Variants in SMARCA2 observed in about 807,000 individuals in gnomAD.
SMARCA2 encodes SWI/SNF related BAF chromatin remodeling complex subunit ATPase 2.
SMARCA2 carries 61 observed loss-of-function variants against 199.8 expected under a neutral mutation model. The observed-to-expected ratio is 0.31, with a 90% confidence interval of 0.25 to 0.38. The LOEUF (loss-of-function observed/expected upper bound fraction) is 0.38, where lower values mean the gene tolerates loss of function less well. Among genes scored for constraint, SMARCA2 ranks in the 10% least tolerant of loss-of-function variants. SMARCA2 has a pLI of 1.00. For synonymous variants in SMARCA2, 935 were observed against 732.0 expected (o/e 1.28, Z -4.48); for missense variants, 1,344 against 2,012.2 (o/e 0.67, Z 6.35).
intron 27 of SMARCA2, among the ~76,000 whole-genome samples, chr9:2,127,546 A>T (rs1823751660): frequency 6.6e-6 from 1 of 152,198 alleles, no homozygotes; most frequent in Non-Finnish European, 1.5e-5. Context: ...CGGCTTGGTC[A>T]TCTCCATCCA....
intron 1 of SMARCA2, among the ~76,000 whole-genome samples, chr9:2,020,207 G>A (rs1818539486): frequency 1.3e-5 from 2 of 151,930 alleles, no homozygotes; most frequent in East Asian, 1.9e-4. Context: ...CACATTTAGG[G>A]GCTATTTCTG....
chr9:2,073,088 G>T (rs1821161133), intron 10 of SMARCA2, 124 bp from the exon 11 acceptor site: 2 of 1,187,026 alleles, frequency 1.7e-6, no homozygotes, highest in South Asian at 3.1e-5. Context: ...ATTAGGTAGT[G>T]AAATTTCCAA....
chr9:2,153,403 T>A lies in SMARCA2; in HGVS notation c.3982-8283T>A, dbSNP rs1360707852. On this transcript the variant is annotated intron_variant, in intron 27 of 33. Transcript: ENST00000349721. The stretch of plus-strand genomic sequence containing the variant: ...AAGAAAATCGCCAGGCATGGTGGTG[T>A]GCGCCTGTAGTCCCAGCTCTCAGGA... Among the ~76,000 whole-genome samples, 4 of 152,022 alleles carry A rather than the reference T, an allele frequency of 2.6e-5. No homozygotes were observed. The East Asian group carries it at 7.7e-4, about 29-fold the overall frequency.
chr9:2,144,844 C>A (rs1824649661), intron 27 of SMARCA2, among the ~76,000 whole-genome samples: 1 of 152,030 alleles, frequency 6.6e-6, no homozygotes, highest in Admixed American at 6.6e-5. Flanking sequence ...ACTCATCTCA[C>A]CTGTTGCTGC....
rs551857398 is a variant in SMARCA2 at position 2,123,992 on chromosome 9, G to C, written c.3981+55G>C. The stretch of plus-strand genomic sequence containing the variant: ...CTAGGTGGAGGGTTTTTGGTGGCTT[G>C]GAGAAACCAGGGGCCTAGAGCTGGG... On this transcript the variant is annotated intron_variant, in intron 27 of 33. Coordinates refer to ENST00000349721, the MANE Select transcript of SMARCA2 (RefSeq NM_003070.5). This position sits in a 1 kb window ranked among gnomAD's most constrained non-coding sequence, Gnocchi z 4.1. 7.2e-7 allele frequency: 1 copy of C among 1,390,126 alleles called. No individual in the cohort carries two copies. Among genetic ancestry groups the C allele is most frequent in the Non-Finnish European group, 1.0e-6 (1 of 1,001,946 alleles). The allele number at this position is 1,390,126 out of a possible 1,614,324, so 86.1% of individuals were successfully genotyped here. A position where few individuals can be genotyped will look rare whatever the true frequency, so the allele number is the denominator to read the frequency against.
rs544588015 is a variant in SMARCA2, at chr9:2,083,055, G to T, written c.2349-292G>T. 5.9e-5 allele frequency among the ~76,000 whole-genome samples: 9 copies of T among 151,958 alleles called. No individual in the cohort carries two copies. In the South Asian group the frequency reaches 1.9e-3, roughly 32 times the overall value. On this transcript the variant is annotated intron_variant, in intron 15 of 33. Transcript: ENST00000349721. The stretch of plus-strand genomic sequence containing the variant: ...GATTCCTAAAATCATTCTGGCAATT[G>T]CTCTTTTTTAATATCATATTACAGT...
In SMARCA2 at chr9:2,181,564, C is replaced by T; in HGVS notation, c.4254-7C>T. 1 of 1,462,338 alleles carries T rather than the reference C, an allele frequency of 6.8e-7. No individual in the cohort carries two copies. The highest frequency in any genetic ancestry group is 9.6e-7 in the Non-Finnish European group (1 of 1,042,104). The allele number at this position is 1,462,338 out of a possible 1,614,324, so 90.6% of individuals were successfully genotyped here. ...GCTTGTTTTTGTTTGTTTCACCCAT[C>T]CTACAGTTCAGGGCGACAGCTCAGT... On this transcript the variant is annotated splice_polypyrimidine_tract_variant and splice_region_variant and intron_variant, in intron 29 of 33. Transcript: ENST00000349721.
intron 27 of SMARCA2, among the ~76,000 whole-genome samples, chr9:2,154,394 A>AT: frequency 6.6e-6 from 1 of 152,330 alleles, no homozygotes; most frequent in Middle Eastern, 3.4e-3. Context: ...GCCTCAAACT[A>AT]CTATGCTTTT....
At chr9:2,178,019 G>T (rs1253998262) in intron 29 of SMARCA2, among the ~76,000 whole-genome samples, 3 of 143,072 alleles carry the variant, frequency 2.1e-5, no homozygotes, top group Non-Finnish European at 4.6e-5. Context: ...AGGTAATGAG[G>T]AAAAAAAAAA....
At chr9:2,062,880 A>G (rs137997440) in intron 9 of SMARCA2, among the ~76,000 whole-genome samples, 5 of 152,302 alleles carry the variant, frequency 3.3e-5, no homozygotes, top group African/African-American at 1.2e-4. Flanking sequence ...CATGCACCCA[A>G]CTATACAATG....
chr9:2,062,459 T>A (rs1820638738), intron 9 of SMARCA2, among the ~76,000 whole-genome samples: 1 of 152,218 alleles, frequency 6.6e-6, no homozygotes, highest in African/African-American at 2.4e-5. Flanking sequence ...ATTAATAGAT[T>A]TCTGCCGTGG....
Position 2,104,587 on chromosome 9 carries a change from T to C in SMARCA2, c.3292+418T>C, listed in dbSNP as rs1822671324. Among the ~76,000 whole-genome samples the C allele has an allele frequency of 6.6e-6, 1 of 152,202 alleles. No individual in the cohort carries two copies. Among genetic ancestry groups the C allele is most frequent in the African/African-American group, 2.4e-5 (1 of 41,464 alleles). On this transcript the variant is annotated intron_variant, in intron 23 of 33. Transcript: ENST00000349721. The surrounding 1 kb of genome is among the most constrained non-coding windows in gnomAD (Gnocchi z 4.0). ...ACTTTTCTTTGTAACAATACAATCATTCATTTAAGATTATATTTATCATTA... is the reference window on the plus strand; with the variant it reads ...ACTTTTCTTTGTAACAATACAATCACTCATTTAAGATTATATTTATCATTA...
chr9:2,040,244 C>A (rs889100449), intron 4 of SMARCA2: 9 of 495,594 alleles, frequency 1.8e-5, no homozygotes, highest in African/African-American at 1.7e-4. Context: ...GCATTTCATC[C>A]CCAGAACTCA....
intron 30 of SMARCA2, among the ~76,000 whole-genome samples, chr9:2,181,900 CT>C (rs1303813634): frequency 2.0e-5 from 3 of 152,182 alleles, no homozygotes; most frequent in African/African-American, 7.2e-5. Context: ...CCTGCTCCCC[CT>C]GCCCACATTA....
intron 24 of SMARCA2, among the ~76,000 whole-genome samples, chr9:2,113,019 T>G (rs1462874864): frequency 1.3e-5 from 2 of 152,230 alleles, no homozygotes; most frequent in Non-Finnish European, 2.9e-5. Flanking sequence ...CTTTCTACCT[T>G]GCACCCTTGC....
chr9:2,038,888 A>T (rs541302134), intron 3 of SMARCA2, among the ~76,000 whole-genome samples: 56 of 152,314 alleles, frequency 3.7e-4, no homozygotes, highest in Middle Eastern at 6.8e-3. Flanking sequence ...GCATAATAAT[A>T]AACCAAGTGT....
At chr9:2,175,127 G>T (rs867633523) in intron 29 of SMARCA2, among the ~76,000 whole-genome samples, 1 of 151,990 alleles carries the variant, frequency 6.6e-6, no homozygotes, top group Admixed American at 6.6e-5. Flanking sequence ...GGGTCATCCG[G>T]TGTCTGTCTG....
intron 15 of SMARCA2, among the ~76,000 whole-genome samples, chr9:2,082,523 G>C (rs1821612193): frequency 6.6e-6 from 1 of 152,188 alleles, no homozygotes; most frequent in Non-Finnish European, 1.5e-5. Flanking sequence ...AAGGACAGGA[G>C]TTTGCTGTTC....
intron 15 of SMARCA2, among the ~76,000 whole-genome samples, chr9:2,082,213 T>C (rs1037640579): frequency 1.3e-5 from 2 of 152,112 alleles, no homozygotes; most frequent in Non-Finnish European, 2.9e-5. Flanking sequence ...CGAGTGATTT[T>C]ATCGGCCATC....
Sources: gnomAD v4.1 joint callset for allele counts (sites outside exome capture counted in the v4.1 genomes callset) on GRCh38, gnomAD v4.1.1 for gene constraint, Gnocchi (gnomAD v3.1) non-coding constraint, MANE v1.5 for transcripts, NCBI Gene and HGNC (gene_info 2026-07-23, HGNC 2026-07-21) for gene names.